Variants in TEX15 observed in about 807,000 individuals in gnomAD.
TEX15 encodes testis-expressed protein 15.
Under a neutral mutation model 237.3 loss-of-function variants are expected in TEX15, and 171 were observed. The observed-to-expected ratio is 0.72, with a 90% confidence interval of 0.64 to 0.82. TEX15 has a LOEUF of 0.82. TEX15 is among the 40% of genes least tolerant of loss of function. TEX15 has a pLI of 0.00. For synonymous variants in TEX15, 1,338 were observed against 1,269.8 expected, an observed-to-expected ratio of 1.05 and a Z score of -1.14; for missense variants, 3,750 against 3,646.5, an observed-to-expected ratio of 1.03 and a Z score of -0.73.
chr8:30,883,628 T>C (rs1808585246), intron 3 of TEX15, among the ~76,000 whole-genome samples: 2 of 152,170 alleles, frequency 1.3e-5, no homozygotes, highest in Middle Eastern at 3.2e-3. Context: ...TTCCTGTATT[T>C]GCAGAGGATG....
Position 30,831,981 on chromosome 8 carries a change from G to A in TEX15, c.*1305C>T, listed in dbSNP as rs1211642868. 1 of 152,086 alleles carries A rather than the reference G, an allele frequency of 6.6e-6. No individual in the cohort carries two copies. The highest frequency in any genetic ancestry group is 1.5e-5 in the Non-Finnish European group (1 of 68,020). 9.4% of individuals were successfully genotyped at this position (152,086 alleles called of 1,614,324 possible). A position where few individuals can be genotyped will look rare whatever the true frequency, so the allele number is the denominator to read the frequency against. ...TTTTAAATATTGTTTTAACTCTATC[G>A]TCTTTTCAAATCTCTTACTTCTTTC... On this transcript the variant is annotated 3_prime_UTR_variant, in exon 11 of 11. Coordinates refer to ENST00000643185, the MANE Select transcript of TEX15 (RefSeq NM_001350162.2).
chr8:30,876,790 G>C (rs565033961), intron 3 of TEX15, among the ~76,000 whole-genome samples: 1 of 152,274 alleles, frequency 6.6e-6, no homozygotes, highest in Admixed American at 6.5e-5. Flanking sequence ...GTTTGGCTGT[G>C]TCCCTACCCA....
In TEX15 at chr8:30,842,476, G is replaced by A. The variant is rs147871035; in HGVS notation, c.7691C>T (p.Thr2564Ile). 1,452 of 1,613,098 alleles carry A rather than the reference G, an allele frequency of 9.0e-4. 20 individuals carry two copies. The South Asian group carries it at 0.011, about 13-fold the overall frequency. ...TATATATGGCACAAAGTCAATATAT[G>A]TGGAAATAAAATACTTGGACTTCTT... ...LLKKSKYFIS[T>I]YIDFVPYIAS... is the part of the protein sequence containing the mutation. The change falls in exon 8 of 11, where the codon ACA becomes ATA. Residue 2564 changes from threonine to isoleucine, a missense_variant. By Grantham distance (89) the Thr-to-Ile change is moderately conservative (BLOSUM62 -1). Transcript: ENST00000643185.
At chr8:30,840,121 T>A (rs1167077704) in intron 8 of TEX15, among the ~76,000 whole-genome samples, 157 bp from the exon 9 acceptor site, 1 of 152,172 alleles carries the variant, frequency 6.6e-6, no homozygotes, top group East Asian at 1.9e-4. Context: ...GCAGTGACTC[T>A]CCTAGACTTC....
At chr8:30,876,877 G>A (rs1264238958) in intron 3 of TEX15, among the ~76,000 whole-genome samples, 1 of 152,128 alleles carries the variant, frequency 6.6e-6, no homozygotes, top group Non-Finnish European at 1.5e-5. Flanking sequence ...CATGGGGGCA[G>A]TTACCCCATG....
At chr8:30,873,359 T>C (rs1808333567) in intron 4 of TEX15, among the ~76,000 whole-genome samples, 1 of 152,194 alleles carries the variant, frequency 6.6e-6, no homozygotes, top group African/African-American at 2.4e-5. Context: ...GATTCTTTTT[T>C]ATTGAATCTG....
intron 3 of TEX15, among the ~76,000 whole-genome samples, chr8:30,880,179 C>T (rs1465506995): frequency 6.6e-6 from 1 of 151,896 alleles, no homozygotes. Flanking sequence ...TAGGCACCCA[C>T]CACCACGCCT....
intron 4 of TEX15, among the ~76,000 whole-genome samples, chr8:30,872,483 A>G (rs555312114): frequency 6.6e-6 from 1 of 152,286 alleles, no homozygotes; most frequent in Admixed American, 6.5e-5. Context: ...AGTATACTAT[A>G]CTTTTTATTT....
intron 5 of TEX15, among the ~76,000 whole-genome samples, chr8:30,865,920 T>C (rs1808153585): frequency 6.6e-6 from 1 of 152,188 alleles, no homozygotes; most frequent in South Asian, 2.1e-4. Context: ...CTATTCAATG[T>C]AGTTCTAGAA....
In TEX15 at chr8:30,860,159, T is replaced by C. The variant is rs1052260765; in HGVS notation, c.541-102A>G. On this transcript the variant is annotated intron_variant, in intron 5 of 10. Transcript: ENST00000643185. ...AAAGGCTAACATTGCTTTGTTTTTC[T>C]GAGACAGGGTCTCACTCTGTTCAGT... 7.5e-6 allele frequency: 8 copies of C among 1,065,172 alleles called. No homozygotes were observed. In the African/African-American group the frequency reaches 1.3e-4, roughly 17 times the overall value. The allele number at this position is 1,065,172 out of a possible 1,614,324, so 66.0% of individuals were successfully genotyped here.
chr8:30,850,848 T>A (rs1202687672), intron 7 of TEX15, among the ~76,000 whole-genome samples: 26 of 152,028 alleles, frequency 1.7e-4, no homozygotes, highest in Admixed American at 1.7e-3. Flanking sequence ...TCAAAATGCA[T>A]GATAAACAAT....
chr8:30,907,489 T>TGTATATATAAATTATATAC (rs1563281320), intron 1 of TEX15, among the ~76,000 whole-genome samples: 1 of 113,122 alleles, frequency 8.8e-6, no homozygotes, highest in African/African-American at 5.2e-5. Context: ...AAATTATATA[T>TGTATATATAAATTATATAC]AAAATGTATA....
At chr8:30,853,196 A>T (rs184895873) in intron 7 of TEX15, among the ~76,000 whole-genome samples, 4 of 152,274 alleles carry the variant, frequency 2.6e-5, no homozygotes, top group Non-Finnish European at 5.9e-5. Flanking sequence ...TCTCTAATAT[A>T]AGCCTTCCGG....
In TEX15 at chr8:30,895,024, C is replaced by A. The variant is rs77684041; in HGVS notation, c.-10+3718G>T. 6.1e-3 allele frequency among the ~76,000 whole-genome samples: 927 copies of A among 152,220 alleles called. 11 individuals are homozygous for A. The highest frequency in any genetic ancestry group is 0.021 in the African/African-American group (879 of 41,556). The stretch of plus-strand genomic sequence containing the variant: ...CTCCAGAACTGTGACAAAGAAATTT[C>A]TGTTGTCTATAAGTTACCCAGTTTA... On this transcript the variant is annotated intron_variant, in intron 2 of 10. Coordinates refer to ENST00000643185, the MANE Select transcript of TEX15 (RefSeq NM_001350162.2).
Position 30,842,201 on chromosome 8 carries a change from T to C in TEX15, c.7966A>G (p.Lys2656Glu). ...GGTTTTACAATATGAATATTCATTT[T>C]TTCTTTTCTCTTCAGCTGTAAAATC... ...RKILQLKRKE[K>E]MNIHIVKPGE... Residue 2656 changes from lysine to glutamate, a missense_variant, in exon 8 of 11, where the codon AAA (lysine) becomes GAA (glutamate). Lys to Glu is a moderately conservative substitution (Grantham distance 56). Transcript: ENST00000643185. The C allele has an allele frequency of 6.2e-7, 1 of 1,611,926 alleles. No homozygotes were observed. The highest frequency in any genetic ancestry group is 2.2e-5 in the East Asian group (1 of 44,814).
At chr8:30,874,915 C>T in intron 4 of TEX15, 22 bp downstream of exon 4, 6 of 1,270,788 alleles carry the variant, frequency 4.7e-6, no homozygotes, top group Non-Finnish European at 4.0e-6. Flanking sequence ...ATCTCAAACA[C>T]GTTTAGATCA....
rs372162232 is a variant in TEX15 at position 30,845,173 on chromosome 8, A to G, written c.4994T>C (p.Leu1665Pro). The change falls in exon 8 of 11, where the codon CTC becomes CCC. Residue 1665 changes from leucine to proline, a missense_variant. By Grantham distance (98) the Leu-to-Pro change is moderately conservative. Coordinates refer to ENST00000643185, the MANE Select transcript of TEX15 (RefSeq NM_001350162.2). Reference protein sequence around the residue: ...DSNVKHFLNDLYQQGNLILSD... With the variant: ...DSNVKHFLNDPYQQGNLILSD... ...TAAAATAAGGTTACCTTGTTGGTAGAGATCATTTAAAAAGTGCTTCACATT... is the reference window on the plus strand; with the variant it reads ...TAAAATAAGGTTACCTTGTTGGTAGGGATCATTTAAAAAGTGCTTCACATT... 4 of 1,613,522 alleles carry G rather than the reference A, an allele frequency of 2.5e-6. No individual in the cohort carries two copies. The highest frequency in any genetic ancestry group is 1.7e-5 in the Admixed American group (1 of 59,966).
intron 2 of TEX15, among the ~76,000 whole-genome samples, chr8:30,892,809 G>A (rs932779223): frequency 1.1e-4 from 17 of 152,158 alleles, no homozygotes; most frequent in African/African-American, 3.6e-4. Context: ...CGAGGCAGGC[G>A]GATCACAAGG....
chr8:30,867,153 T>C (rs1053246357), intron 5 of TEX15, 112 bp downstream of exon 5: 1 of 437,458 alleles, frequency 2.3e-6, no homozygotes, highest in Non-Finnish European at 4.0e-6. Flanking sequence ...TTATTACTTA[T>C]TTAATAGACT....
Sources: allele counts gnomAD v4.1 joint callset (sites outside exome capture counted in the v4.1 genomes callset), GRCh38; gene constraint gnomAD v4.1.1; transcripts MANE v1.5; gene names NCBI Gene and HGNC (gene_info 2026-07-23, HGNC 2026-07-21).